CYB5R2: variants seen among roughly 807,000 people sequenced by gnomAD.
CYB5R2 encodes NADH-cytochrome b5 reductase 2.
Under a neutral mutation model 29.8 loss-of-function variants are expected in CYB5R2, and 35 were observed. The ratio of observed to expected loss-of-function variants is 1.17; its 90% CI spans 0.90 to 1.56. The LOEUF is 1.56. Among genes scored for constraint, CYB5R2 ranks in the 40% most tolerant of loss-of-function variants. CYB5R2 has a pLI of 0.00. For synonymous variants in CYB5R2, 169 were observed against 130.6 expected (o/e 1.29, Z -2.01); for missense variants, 419 against 346.7 (o/e 1.21, Z -1.66).
intron 8 of CYB5R2, chr11:7,666,072 G>A: frequency 1.0e-5 from 7 of 676,234 alleles, no homozygotes; most frequent in Non-Finnish European, 1.8e-5. Flanking sequence ...AGGTGAGGTG[G>A]GCGGTAAGGG....
In CYB5R2 at chr11:7,673,449, T is replaced by A. The variant is rs1590888587; in HGVS notation, c.-97A>T. 1.2e-5 allele frequency: 12 copies of A among 986,092 alleles called. No individual in the cohort carries two copies. In the South Asian group the frequency reaches 5.2e-4, roughly 42 times the overall value. The allele number at this position is 986,092 out of a possible 1,614,324, so 61.1% of individuals were successfully genotyped here. ...AAGGCCGCCCTGCTCCTCTCCCAAC[T>A]CAAGCCCGACAGGGAAAGTTGCCTC... On this transcript the variant is annotated 5_prime_UTR_variant, in exon 1 of 9. Coordinates refer to ENST00000299498, the MANE Select transcript of CYB5R2 (RefSeq NM_016229.5).
intron 1 of CYB5R2, chr11:7,673,163 T>A: frequency 2.5e-6 from 1 of 400,836 alleles, no homozygotes; most frequent in Non-Finnish European, 4.5e-6. Flanking sequence ...CTCAGGTCAC[T>A]AGGCCCCTCC....
upstream of CYB5R2, chr11:7,673,966 G>C: frequency 9.7e-7 from 1 of 1,028,402 alleles, no homozygotes; most frequent in African/African-American, 1.7e-5. Context: ...CGCTGGCTCT[G>C]GGTCAGCCCT....
chr11:7,669,241 G>A lies in CYB5R2; in HGVS notation c.352C>T (p.Arg118Ter), dbSNP rs141969366. The change falls in exon 5 of 9, where the codon CGA becomes TGA. Residue 118 changes from arginine (R) to a stop codon, truncating the protein, a stop_gained. Coordinates refer to ENST00000299498, the MANE Select transcript of CYB5R2 (RefSeq NM_016229.5). LOFTEE classifies it high-confidence loss of function. ...TAAAACAAGCGTCCCCTTGGCCCTC[G>A]AAAAAAGATGGTCTCCCCGATTTTC... ...NMKIGETIFF[R>*]GPRGRLFYHG... The A allele has an allele frequency of 6.8e-6, 11 of 1,613,790 alleles. No individual in the cohort carries two copies. Among genetic ancestry groups the A allele is most frequent in the East Asian group, 4.5e-5 (2 of 44,888 alleles).
chr11:7,674,135 G>T, upstream of CYB5R2: 1 of 1,218,180 alleles, frequency 8.2e-7, no homozygotes, highest in Non-Finnish European at 1.0e-6. Flanking sequence ...GGCTGGAGAA[G>T]GCCGTCTGGG....
chr11:7,665,818 G>A (rs756649456), intron 8 of CYB5R2: 21 of 1,526,164 alleles, frequency 1.4e-5, no homozygotes, highest in East Asian at 2.5e-5. Flanking sequence ...AGAACACAAC[G>A]AGGTATACCG....
chr11:7,670,446 C>T (rs1855658872), intron 3 of CYB5R2: 1 of 152,268 alleles, frequency 6.6e-6, no homozygotes, highest in Non-Finnish European at 1.5e-5. Flanking sequence ...GGATGTATCA[C>T]TGAGATCTGT....
chr11:7,672,419 C>G (rs1268698152), intron 3 of CYB5R2, 32 bp downstream of exon 3: 1 of 1,601,108 alleles, frequency 6.2e-7, no homozygotes, highest in Admixed American at 1.7e-5. Flanking sequence ...CCCAGAGGCC[C>G]CAGTCCTGGT....
intron 7 of CYB5R2, chr11:7,667,505 G>A (rs1459494699): frequency 2.2e-6 from 1 of 450,060 alleles, no homozygotes; most frequent in Non-Finnish European, 3.7e-6. Context: ...GGAATGCTTA[G>A]TGCTTAGGGC....
intron 4 of CYB5R2, 31 bp from the exon 5 acceptor site, chr11:7,669,365 T>G: frequency 6.3e-7 from 1 of 1,588,392 alleles, no homozygotes; most frequent in Non-Finnish European, 8.6e-7. Context: ...GCTTTCACAT[T>G]CCCAGACACA....
chr11:7,673,869 AGC>A (rs1855922947), upstream of CYB5R2: 3 of 990,658 alleles, frequency 3.0e-6, no homozygotes, highest in Non-Finnish European at 3.6e-6. Context: ...GGAGGACAAA[AGC>A]GCGGGCGGAC....
intron 6 of CYB5R2, among the ~76,000 whole-genome samples, 158 bp downstream of exon 6, chr11:7,668,311 GCAGGGTACA>G (rs991670992): frequency 6.6e-6 from 1 of 152,226 alleles, no homozygotes; most frequent in Admixed American, 6.5e-5. Flanking sequence ...GTTAGGGGAA[GCAGGGTACA>G]CAGGGTCAGT....
chr11:7,666,283 C>A, intron 8 of CYB5R2, 168 bp downstream of exon 8: 5 of 608,054 alleles, frequency 8.2e-6, no homozygotes. Context: ...CATCCCAAAT[C>A]CTTTCTCCCT....
At chr11:7,674,067 T>C, upstream of CYB5R2, 1 of 1,192,308 alleles carries the variant, frequency 8.4e-7, no homozygotes, top group South Asian at 1.5e-5. Flanking sequence ...CCTGGCCCCT[T>C]CCCTGCACAC....
upstream of CYB5R2, chr11:7,673,828 GAACC>G: frequency 1.0e-6 from 1 of 987,468 alleles, no homozygotes; most frequent in Non-Finnish European, 1.2e-6. Flanking sequence ...GGCCGACGGG[GAACC>G]GGCCGAGACC....
At chr11:7,672,373 A>T (rs913519483) in intron 3 of CYB5R2, 78 bp downstream of exon 3, 1 of 1,307,424 alleles carries the variant, frequency 7.6e-7, no homozygotes, top group African/African-American at 1.5e-5. Flanking sequence ...AGGACGTGGG[A>T]AACCTGTGTT....
intron 7 of CYB5R2, chr11:7,666,783 C>T (rs1855282327): frequency 4.8e-6 from 2 of 413,512 alleles, no homozygotes; most frequent in Non-Finnish European, 8.9e-6. Flanking sequence ...ATGTAGGTTC[C>T]CATGGAGCTG....
At chr11:7,674,101 C>T (rs939175078), upstream of CYB5R2, 47 of 1,204,370 alleles carry the variant, frequency 3.9e-5, no homozygotes, top group Non-Finnish European at 4.6e-5. Context: ...ACTGAGCGCC[C>T]CTCAGCTTAC....
intron 8 of CYB5R2, 137 bp from the exon 9 acceptor site, chr11:7,665,683 C>T: frequency 2.6e-6 from 3 of 1,174,744 alleles, no homozygotes; most frequent in Non-Finnish European, 3.5e-6. Flanking sequence ...TGTACTACTG[C>T]TCCCTGCAAA....
Sources: gnomAD v4.1 joint callset for allele counts (sites outside exome capture counted in the v4.1 genomes callset) on GRCh38, gnomAD v4.1.1 for gene constraint, MANE v1.5 for transcripts, NCBI Gene and HGNC (gene_info 2026-07-23, HGNC 2026-07-21) for gene names.